Variants in LRCH1 observed in about 807,000 individuals in gnomAD.
LRCH1 encodes the protein leucine-rich repeat and calponin homology domain-containing protein 1.
LRCH1 carries 23 observed loss-of-function variants against 94.9 expected under a neutral mutation model. The ratio of observed to expected loss-of-function variants is 0.24; its 90% CI spans 0.17 to 0.34. LRCH1 has a LOEUF of 0.34. Ranked by LOEUF, LRCH1 falls within the 10% of genes least tolerant of loss-of-function variation. The pLI is 1.00. For missense variants in LRCH1, 790 were observed against 945.9 expected, an observed-to-expected ratio of 0.84 and a Z score of 2.16; for synonymous variants, 364 against 354.9, an observed-to-expected ratio of 1.03 and a Z score of -0.29.
intron 10 of LRCH1, among the ~76,000 whole-genome samples, 185 bp from the exon 11 acceptor site, chr13:46,700,936 G>A (rs1186713256): frequency 6.6e-6 from 1 of 152,168 alleles, no homozygotes; most frequent in Non-Finnish European, 1.5e-5. Flanking sequence ...CCCTACTCGG[G>A]CTCTTCCCAC....
chr13:46,554,414 C>T (rs562970131), intron 1 of LRCH1, among the ~76,000 whole-genome samples: 6 of 152,184 alleles, frequency 3.9e-5, no homozygotes, highest in Non-Finnish European at 7.3e-5. Flanking sequence ...GCCTTTTGCT[C>T]ACCGCCCACA....
intron 17 of LRCH1, among the ~76,000 whole-genome samples, chr13:46,728,511 C>T (rs747663916): frequency 1.9e-4 from 29 of 152,332 alleles, no homozygotes; most frequent in Middle Eastern, 3.4e-3. Context: ...CCACTGTGCC[C>T]GACCAGAGAA....
intron 1 of LRCH1, among the ~76,000 whole-genome samples, chr13:46,614,219 C>G (rs1468826075): frequency 6.6e-6 from 1 of 152,010 alleles, no homozygotes; most frequent in Non-Finnish European, 1.5e-5. Flanking sequence ...ATTTTTTCAT[C>G]CAAGATAACT....
chr13:46,687,816 G>T, intron 5 of LRCH1, 36 bp from the exon 6 acceptor site: 1 of 1,581,228 alleles, frequency 6.3e-7, no homozygotes, highest in South Asian at 1.1e-5. Context: ...TTTTGTCATT[G>T]AAAAATGAAT....
chr13:46,743,589 G>A lies in LRCH1; in HGVS notation c.*1741G>A. 1.0e-6 allele frequency: 1 copy of A among 985,632 alleles called. No individual in the cohort carries two copies. The highest frequency in any genetic ancestry group is 1.2e-6 in the Non-Finnish European group (1 of 829,894). 61.1% of individuals were successfully genotyped at this position (985,632 alleles called of 1,614,324 possible). ...TAAATTGCTTAATAAACACATTTTG[G>A]GTGATTATTCCAAGTTTTTATCAGC... On this transcript the variant is annotated 3_prime_UTR_variant, in exon 20 of 20. Coordinates refer to ENST00000389797, the MANE Select transcript of LRCH1 (RefSeq NM_001164211.2).
intron 19 of LRCH1, among the ~76,000 whole-genome samples, chr13:46,740,301 A>C (rs1873585801): frequency 6.6e-6 from 1 of 152,262 alleles, no homozygotes; most frequent in African/African-American, 2.4e-5. Context: ...ACAACATCTG[A>C]ATACATATAA....
At chr13:46,572,929 C>T (rs1226064620) in intron 1 of LRCH1, among the ~76,000 whole-genome samples, 1 of 152,108 alleles carries the variant, frequency 6.6e-6, no homozygotes, top group Non-Finnish European at 1.5e-5. Flanking sequence ...GTGAGCGACT[C>T]CTCCATCTAC....
chr13:46,594,243 GAAAAA>G (rs1266865419), intron 1 of LRCH1, among the ~76,000 whole-genome samples: 1 of 119,924 alleles, frequency 8.3e-6, no homozygotes, highest in South Asian at 2.6e-4. Flanking sequence ...TAATCTCAGT[GAAAAA>G]AAAAAAAAAA....
At chr13:46,721,001 T>C (rs919844511) in intron 16 of LRCH1, among the ~76,000 whole-genome samples, 1 of 152,216 alleles carries the variant, frequency 6.6e-6, no homozygotes, top group African/African-American at 2.4e-5. Flanking sequence ...TAAAACACTT[T>C]TGGTTGCCTA....
intron 4 of LRCH1, among the ~76,000 whole-genome samples, chr13:46,682,296 C>T (rs1294410092): frequency 1.3e-5 from 2 of 152,146 alleles, no homozygotes; most frequent in African/African-American, 2.4e-5. Context: ...GTCATCTCCC[C>T]TCTGCACATG....
At chr13:46,584,982 C>T (rs1045489673) in intron 1 of LRCH1, among the ~76,000 whole-genome samples, 41 of 151,940 alleles carry the variant, frequency 2.7e-4, no homozygotes, top group Non-Finnish European at 4.6e-4. Flanking sequence ...TACAACTAAG[C>T]AATGAAAGAG....
intron 18 of LRCH1, 89 bp downstream of exon 18, chr13:46,729,073 G>A: frequency 7.8e-7 from 1 of 1,288,440 alleles, no homozygotes; most frequent in Non-Finnish European, 1.0e-6. Flanking sequence ...GTGTCAGTAG[G>A]AGCTTGCTCA....
intron 1 of LRCH1, among the ~76,000 whole-genome samples, chr13:46,642,790 A>G (rs1566195256): frequency 6.6e-6 from 1 of 152,198 alleles, no homozygotes; most frequent in Non-Finnish European, 1.5e-5. Flanking sequence ...AAGCAGAAAT[A>G]GGTTGTGTCG....
intron 2 of LRCH1, among the ~76,000 whole-genome samples, chr13:46,654,035 C>G (rs1185952369): frequency 6.6e-6 from 1 of 152,104 alleles, no homozygotes; most frequent in Non-Finnish European, 1.5e-5. Context: ...TAGCTTTTGC[C>G]TAAAAGATTT....
intron 1 of LRCH1, among the ~76,000 whole-genome samples, chr13:46,561,329 G>A (rs2050127800): frequency 6.6e-6 from 1 of 152,112 alleles, no homozygotes; most frequent in South Asian, 2.1e-4. Flanking sequence ...TTTTCCCTCA[G>A]TCCCTCTGCT....
At chr13:46,626,119 G>T (rs544519326) in intron 1 of LRCH1, among the ~76,000 whole-genome samples, 1 of 152,066 alleles carries the variant, frequency 6.6e-6, no homozygotes, top group South Asian at 2.1e-4. Flanking sequence ...TTTAAGCCTG[G>T]GAATCTTGGT....
At chr13:46,576,198 C>T (rs1298104845) in intron 1 of LRCH1, among the ~76,000 whole-genome samples, 1 of 152,124 alleles carries the variant, frequency 6.6e-6, no homozygotes, top group Non-Finnish European at 1.5e-5. Flanking sequence ...GGGGCAGTCT[C>T]CTAAGCCAGA....
chr13:46,628,851 T>C (rs1462086952), intron 1 of LRCH1, among the ~76,000 whole-genome samples: 2 of 152,140 alleles, frequency 1.3e-5, no homozygotes, highest in Non-Finnish European at 2.9e-5. Context: ...TCCTGAGTTA[T>C]GGCGTCATCA....
intron 11 of LRCH1, among the ~76,000 whole-genome samples, chr13:46,701,497 T>C (rs1023547626): frequency 1.3e-5 from 2 of 152,172 alleles, no homozygotes; most frequent in Non-Finnish European, 2.9e-5. Flanking sequence ...AACAAAAATA[T>C]GGTAAAAGTG....
Sources: gnomAD v4.1 joint callset for allele counts (sites outside exome capture counted in the v4.1 genomes callset) on GRCh38, gnomAD v4.1.1 for gene constraint, MANE v1.5 for transcripts, NCBI Gene and HGNC (gene_info 2026-07-23, HGNC 2026-07-21) for gene names.